Variants in TMEM132C observed in about 807,000 individuals in gnomAD.
TMEM132C encodes the protein transmembrane protein 132C.
Under a neutral mutation model 61.4 loss-of-function variants are expected in TMEM132C, and 29 were observed. The observed-to-expected ratio is 0.47, with a 90% CI of 0.35 to 0.64. The LOEUF is 0.64. TMEM132C is among the 30% of genes least tolerant of loss of function. The probability of loss-of-function intolerance (pLI) is 0.00; values close to 1 mark genes in which losing one functional copy is unlikely to be tolerated. For missense variants in TMEM132C, 1,408 were observed against 1,476.9 expected (o/e 0.95, Z 0.76); for synonymous variants, 656 against 633.1 (o/e 1.04, Z -0.54).
chr12:128,441,161 T>A (rs1412353585), intron 2 of TMEM132C, among the ~76,000 whole-genome samples: 1 of 152,250 alleles, frequency 6.6e-6, no homozygotes, highest in Non-Finnish European at 1.5e-5. Flanking sequence ...CATTCAGCTC[T>A]TCTTGAAAAC....
intron 2 of TMEM132C, among the ~76,000 whole-genome samples, chr12:128,467,361 T>C (rs945403125): frequency 2.6e-5 from 4 of 152,176 alleles, no homozygotes; most frequent in African/African-American, 9.7e-5. Context: ...CAAATTGTCA[T>C]GTCTTGTAGA....
chr12:128,314,290 T>G (rs1375558680), intron 1 of TMEM132C, among the ~76,000 whole-genome samples: 1 of 152,218 alleles, frequency 6.6e-6, no homozygotes, highest in East Asian at 1.9e-4. Context: ...AGGTGATTTC[T>G]GAGCTTTATA....
At chr12:128,268,231 G>A (rs1870382164) in intron 1 of TMEM132C, among the ~76,000 whole-genome samples, 1 of 152,234 alleles carries the variant, frequency 6.6e-6, no homozygotes, top group Non-Finnish European at 1.5e-5. Flanking sequence ...GGGAGTGACG[G>A]CCCTGCTTTG....
chr12:128,487,477 T>C (rs1052290135), intron 2 of TMEM132C, among the ~76,000 whole-genome samples: 17 of 148,750 alleles, frequency 1.1e-4, no homozygotes, highest in Non-Finnish European at 1.5e-4. Context: ...TGTGTGCGTG[T>C]GTGTGTGTGT....
intron 1 of TMEM132C, among the ~76,000 whole-genome samples, chr12:128,366,071 T>C (rs1873858752): frequency 6.6e-6 from 1 of 152,220 alleles, no homozygotes; most frequent in East Asian, 1.9e-4. Context: ...GCGCTGTGAA[T>C]GCACTTCCCT....
At chr12:128,533,167 A>G (rs1873381106) in intron 2 of TMEM132C, among the ~76,000 whole-genome samples, 1 of 152,148 alleles carries the variant, frequency 6.6e-6, no homozygotes, top group African/African-American at 2.4e-5. Context: ...ATGTGACCAG[A>G]GGCTTTCCTG....
chr12:128,429,877 G>A (rs1869328588), intron 2 of TMEM132C, among the ~76,000 whole-genome samples: 1 of 152,074 alleles, frequency 6.6e-6, no homozygotes, highest in Non-Finnish European at 1.5e-5. Flanking sequence ...AAAAATGTGG[G>A]GCCACTGCTC....
At chr12:128,390,007 TA>T (rs1181349444) in intron 1 of TMEM132C, among the ~76,000 whole-genome samples, 1 of 152,002 alleles carries the variant, frequency 6.6e-6, no homozygotes, top group Non-Finnish European at 1.5e-5. Flanking sequence ...GTCTCCTGAG[TA>T]TCTGGGCTAC....
At chr12:128,574,456 AG>A (rs1466178525) in intron 3 of TMEM132C, among the ~76,000 whole-genome samples, 2 of 152,238 alleles carry the variant, frequency 1.3e-5, no homozygotes, top group Non-Finnish European at 2.9e-5. Flanking sequence ...CCAAGGCTGG[AG>A]CAGGTGAAGC....
chr12:128,504,495 C>A (rs1872290098), intron 2 of TMEM132C, among the ~76,000 whole-genome samples: 1 of 152,194 alleles, frequency 6.6e-6, no homozygotes, highest in Admixed American at 6.5e-5. Flanking sequence ...GTCTGGGCAG[C>A]TTAACCATCA....
At chr12:128,327,820 T>C (rs1872572357) in intron 1 of TMEM132C, among the ~76,000 whole-genome samples, 1 of 152,186 alleles carries the variant, frequency 6.6e-6, no homozygotes, top group Non-Finnish European at 1.5e-5. Flanking sequence ...TTAAAAATGT[T>C]CTGACTGATC....
intron 5 of TMEM132C, among the ~76,000 whole-genome samples, chr12:128,690,968 C>T (rs1275439370): frequency 6.6e-6 from 1 of 152,160 alleles, no homozygotes; most frequent in Non-Finnish European, 1.5e-5. Context: ...AGAGGGTGAT[C>T]AGATTATAAG....
chr12:128,688,686 A>G (rs1326994891), intron 5 of TMEM132C, among the ~76,000 whole-genome samples: 2 of 152,248 alleles, frequency 1.3e-5, no homozygotes, highest in Non-Finnish European at 2.9e-5. Flanking sequence ...GCAAGGCTGA[A>G]AGTAAAAGAG....
In TMEM132C at chr12:128,568,061, T is replaced by C. The variant is rs549833087; in HGVS notation, c.1121+23958T>C. Among the ~76,000 whole-genome samples the C allele has an allele frequency of 2.6e-5, 4 of 152,310 alleles. No homozygotes were observed. The South Asian group carries it at 8.3e-4, about 32-fold the overall frequency. ...CATGCAGAGACATTTACTGCTGGCC[T>C]CCTCCACAGTGCCTCGGTGTGCAGA... On this transcript the variant is annotated intron_variant, in intron 3 of 8. Transcript: ENST00000435159.
chr12:128,319,825 C>CAAA lies in TMEM132C; in HGVS notation c.85+52349_85+52351dup, dbSNP rs373273389. Among the ~76,000 whole-genome samples the CAAA allele has an allele frequency of 3.4e-3, 435 of 127,744 alleles. 3 individuals carry two copies. Among genetic ancestry groups the CAAA allele is most frequent in the African/African-American group, 0.012 (421 of 35,524 alleles). 83.8% of individuals were successfully genotyped at this position (127,744 alleles called of 152,430 possible). ...TGGGTGACAGAGTGAGACTCCATCT[C>CAAA]AAAAAAAAAAAAAGGGCCACCAAAG... On this transcript the variant is annotated intron_variant, in intron 1 of 8. Coordinates refer to ENST00000435159, the MANE Select transcript of TMEM132C (RefSeq NM_001136103.3).
At chr12:128,636,128 G>A (rs1954101234) in intron 4 of TMEM132C, among the ~76,000 whole-genome samples, 1 of 151,954 alleles carries the variant, frequency 6.6e-6, no homozygotes, top group South Asian at 2.1e-4. Context: ...ATAGCCCACT[G>A]CAGTCTTGAC....
chr12:128,578,012 A>T (rs563981505), intron 3 of TMEM132C, among the ~76,000 whole-genome samples: 35 of 152,234 alleles, frequency 2.3e-4, no homozygotes, highest in African/African-American at 7.9e-4. Context: ...AAATTAACTC[A>T]TTTTTTTCTT....
intron 2 of TMEM132C, among the ~76,000 whole-genome samples, chr12:128,465,197 ATTTC>A (rs1870687659): frequency 6.9e-6 from 1 of 144,084 alleles, no homozygotes; most frequent in Admixed American, 6.9e-5. Context: ...ATCATTCTTC[ATTTC>A]TTTTTTTTTT....
intron 1 of TMEM132C, among the ~76,000 whole-genome samples, chr12:128,403,085 A>T (rs536775674): frequency 2.6e-5 from 4 of 152,336 alleles, no homozygotes; most frequent in African/African-American, 9.6e-5. Context: ...AAGGATATTC[A>T]GGCTTTGTTC....
Sources: allele counts gnomAD v4.1 joint callset (sites outside exome capture counted in the v4.1 genomes callset), GRCh38; gene constraint gnomAD v4.1.1; transcripts MANE v1.5; gene names NCBI Gene and HGNC (gene_info 2026-07-23, HGNC 2026-07-21).